Variants in PEBP4 observed in about 807,000 individuals in gnomAD.
The protein encoded by PEBP4 is phosphatidylethanolamine binding protein 4, also known as phosphatidylethanolamine-binding protein 4.
A neutral mutation model predicts 23.9 loss-of-function variants in PEBP4; 22 were observed. That is an observed-to-expected ratio of 0.92 (90% CI 0.66 to 1.31). The LOEUF (loss-of-function observed/expected upper bound fraction) is 1.31, where lower values mean the gene tolerates loss of function less well. Among genes scored for constraint, PEBP4 ranks in the 40% most tolerant of loss-of-function variants. The pLI is 0.00. For missense variants in PEBP4, 324 were observed against 281.7 expected (o/e 1.15, Z -1.07); for synonymous variants, 112 against 99.3 (o/e 1.13, Z -0.76).
At chr8:22,743,841 C>T (rs1405978874) in intron 4 of PEBP4, among the ~76,000 whole-genome samples, 1 of 152,226 alleles carries the variant, frequency 6.6e-6, no homozygotes, top group African/African-American at 2.4e-5. Context: ...AATTCCAACA[C>T]CTGAGCAGAA....
Position 22,770,793 on chromosome 8 carries a change from G to A in PEBP4, c.358-43573C>T, listed in dbSNP as rs189139123. Among the ~76,000 whole-genome samples the A allele has an allele frequency of 4.6e-4, 70 of 152,252 alleles. 1 individual carries two copies. The East Asian group carries it at 7.7e-3, about 17-fold the overall frequency. On this transcript the variant is annotated intron_variant, in intron 4 of 6. Transcript: ENST00000256404. ...AGCAGTTCAGGCTGTGTGGTTTAAC[G>A]GAAAGCACACGTATCCACGCATCCG...
chr8:22,753,376 G>A (rs74381002), intron 4 of PEBP4, among the ~76,000 whole-genome samples: 131 of 152,290 alleles, frequency 8.6e-4, no homozygotes, highest in African/African-American at 2.9e-3. Flanking sequence ...ACTGGGGGCC[G>A]CATGAACTTT....
intron 3 of PEBP4, among the ~76,000 whole-genome samples, chr8:22,840,322 T>C (rs949032827): frequency 3.3e-5 from 5 of 152,074 alleles, no homozygotes; most frequent in Non-Finnish European, 7.4e-5. Context: ...CACACAGGTG[T>C]GGATGAAAAT....
At chr8:22,840,391 AT>A (rs1419601357) in intron 3 of PEBP4, among the ~76,000 whole-genome samples, 1 of 151,148 alleles carries the variant, frequency 6.6e-6, no homozygotes. Flanking sequence ...TCTTAAAAAA[AT>A]TTTTTCTTCT....
At chr8:22,847,007 T>C (rs528656030) in intron 3 of PEBP4, among the ~76,000 whole-genome samples, 76 of 152,140 alleles carry the variant, frequency 5.0e-4, no homozygotes, top group African/African-American at 1.8e-3. Flanking sequence ...ACAAAAAATT[T>C]TTAAAAAATA....
At chr8:22,819,557 G>C (rs1806814420) in intron 3 of PEBP4, among the ~76,000 whole-genome samples, 1 of 152,164 alleles carries the variant, frequency 6.6e-6, no homozygotes, top group African/African-American at 2.4e-5. Flanking sequence ...GAGACATGGA[G>C]TGGCTATAAC....
chr8:22,828,447 G>A (rs944996904), intron 3 of PEBP4, among the ~76,000 whole-genome samples: 1 of 152,084 alleles, frequency 6.6e-6, no homozygotes, highest in Non-Finnish European at 1.5e-5. Context: ...CTCTGGAACT[G>A]CCACTGACAA....
chr8:22,825,985 A>C (rs942985171), intron 3 of PEBP4, among the ~76,000 whole-genome samples: 1 of 152,232 alleles, frequency 6.6e-6, no homozygotes, highest in African/African-American at 2.4e-5. Context: ...TAAAATAGTC[A>C]AACCCACAGA....
At chr8:22,894,287 G>T (rs1283173439) in intron 3 of PEBP4, among the ~76,000 whole-genome samples, 1 of 152,072 alleles carries the variant, frequency 6.6e-6, no homozygotes, top group Non-Finnish European at 1.5e-5. Context: ...TAAATTCTTG[G>T]CACAGCCATG....
intron 4 of PEBP4, among the ~76,000 whole-genome samples, chr8:22,802,488 C>T (rs1806406207): frequency 6.6e-6 from 1 of 152,248 alleles, no homozygotes; most frequent in Admixed American, 6.5e-5. Context: ...TGCTCAAGGG[C>T]CCACTCTGGT....
At chr8:22,802,520 C>T (rs192430995) in intron 4 of PEBP4, among the ~76,000 whole-genome samples, 198 of 152,362 alleles carry the variant, frequency 1.3e-3, no homozygotes, top group Middle Eastern at 3.4e-3. Context: ...TGTAGCTGAG[C>T]TTTGCAACAC....
chr8:22,803,638 T>G (rs1171158426), intron 4 of PEBP4, among the ~76,000 whole-genome samples: 2 of 151,986 alleles, frequency 1.3e-5, no homozygotes, highest in African/African-American at 4.8e-5. Context: ...CACTCTAGAC[T>G]GGGCAACAGA....
At chr8:22,803,462 C>G (rs137903555) in intron 4 of PEBP4, among the ~76,000 whole-genome samples, 1 of 151,874 alleles carries the variant, frequency 6.6e-6, no homozygotes, top group Non-Finnish European at 1.5e-5. Context: ...ATCAGGAGTT[C>G]GAGATCAGCT....
At chr8:22,935,635 T>A (rs1043958638) in intron 1 of PEBP4, among the ~76,000 whole-genome samples, 1 of 152,228 alleles carries the variant, frequency 6.6e-6, no homozygotes, top group Non-Finnish European at 1.5e-5. Flanking sequence ...ATCCTACACC[T>A]GACCTCATGT....
chr8:22,909,906 T>C (rs532964640), intron 3 of PEBP4, among the ~76,000 whole-genome samples: 4 of 152,178 alleles, frequency 2.6e-5, no homozygotes, highest in Admixed American at 6.5e-5. Flanking sequence ...CACCATGTAG[T>C]AAACACTGGG....
At chr8:22,902,748 G>T (rs17088734) in intron 3 of PEBP4, among the ~76,000 whole-genome samples, 7,125 of 152,270 alleles carry the variant, frequency 0.047, 188 homozygotes, top group Middle Eastern at 0.061. Flanking sequence ...ATGTCACAGA[G>T]GATCAAACAG....
intron 4 of PEBP4, among the ~76,000 whole-genome samples, chr8:22,806,339 G>T (rs899749040): frequency 6.6e-6 from 1 of 152,052 alleles, no homozygotes; most frequent in African/African-American, 2.4e-5. Context: ...CAAGGTAGCC[G>T]GGTGTGGTGG....
chr8:22,803,779 T>C (rs1806438851), intron 4 of PEBP4, among the ~76,000 whole-genome samples: 1 of 152,164 alleles, frequency 6.6e-6, no homozygotes, highest in Non-Finnish European at 1.5e-5. Context: ...AGTATCCTCA[T>C]CTCAGTAAAG....
At chr8:22,891,745 C>T (rs1808499130) in intron 3 of PEBP4, among the ~76,000 whole-genome samples, 1 of 152,192 alleles carries the variant, frequency 6.6e-6, no homozygotes, top group Non-Finnish European at 1.5e-5. Flanking sequence ...TCATCATCCT[C>T]CCACCATGGA....
Sources: allele counts gnomAD v4.1 joint callset (sites outside exome capture counted in the v4.1 genomes callset), GRCh38; gene constraint gnomAD v4.1.1; transcripts MANE v1.5; gene names NCBI Gene and HGNC (gene_info 2026-07-23, HGNC 2026-07-21).